Variants in MMP16 observed in about 807,000 individuals in gnomAD.
The protein encoded by MMP16 is matrix metallopeptidase 16, also known as matrix metalloproteinase-16.
A neutral mutation model predicts 67.8 loss-of-function variants in MMP16; 12 were observed. The observed-to-expected ratio is 0.18, with a 90% CI of 0.11 to 0.29. MMP16 has a LOEUF of 0.29. MMP16 is among the 10% of genes least tolerant of loss of function. MMP16 has a pLI of 1.00. For synonymous variants in MMP16, 249 were observed against 255.9 expected, an observed-to-expected ratio of 0.97 and a Z score of 0.26; for missense variants, 475 against 765.7, an observed-to-expected ratio of 0.62 and a Z score of 4.48.
chr8:88,202,914 G>C lies in MMP16; in HGVS notation c.133-5608C>G, dbSNP rs1489496271. On this transcript the variant is annotated intron_variant, in intron 1 of 9. Coordinates refer to ENST00000286614, the MANE Select transcript of MMP16 (RefSeq NM_005941.5). Reference sequence around the variant, plus strand: ...AAGAGAAATGCTGAACAATGCACCAGGTAAACGTTCTAAAAGCACTTACTT... The same window carrying C: ...AAGAGAAATGCTGAACAATGCACCACGTAAACGTTCTAAAAGCACTTACTT... Among the ~76,000 whole-genome samples the C allele has an allele frequency of 3.3e-5, 5 of 151,920 alleles. No homozygotes were observed. The East Asian group carries it at 9.7e-4, about 29-fold the overall frequency.
intron 4 of MMP16, among the ~76,000 whole-genome samples, chr8:88,161,112 A>G (rs1261710551): frequency 6.6e-6 from 1 of 152,180 alleles, no homozygotes; most frequent in Non-Finnish European, 1.5e-5. Context: ...GAATAGTTTC[A>G]GAAGGAATGG....
chr8:88,238,844 G>A (rs1057065700), intron 1 of MMP16, among the ~76,000 whole-genome samples: 3 of 151,780 alleles, frequency 2.0e-5, no homozygotes, highest in African/African-American at 7.3e-5. Context: ...AAAAATTTTG[G>A]CTGGGTGCAG....
At chr8:88,068,936 G>T (rs1317822272) in intron 7 of MMP16, among the ~76,000 whole-genome samples, 2 of 151,962 alleles carry the variant, frequency 1.3e-5, no homozygotes, top group Non-Finnish European at 2.9e-5. Context: ...TCCTGACCTC[G>T]AGTGATCCAC....
chr8:88,307,135 C>A, intron 1 of MMP16, among the ~76,000 whole-genome samples: 1 of 152,074 alleles, frequency 6.6e-6, no homozygotes, highest in Non-Finnish European at 1.5e-5. Context: ...TGCCAACAGG[C>A]AAGCAGAGAA....
intron 7 of MMP16, among the ~76,000 whole-genome samples, chr8:88,067,607 G>A (rs967983788): frequency 6.6e-6 from 1 of 151,988 alleles, no homozygotes; most frequent in African/African-American, 2.4e-5. Flanking sequence ...GAACCAATGA[G>A]GCACTTTTTA....
At position 88,186,536 on chromosome 8, in the gene MMP16, A is replaced by G. The variant is rs1373463653; in HGVS notation, c.344T>C (p.Ile115Thr). ...TGTCAATGCATATCGCTTTCGACGA[A>G]TATGAAATTTGGAGCTACCTCTTGT... ...DQTRGSSKFH[I>T]RRKRYALTGQ... The change falls in exon 3 of 10, where the codon ATT becomes ACT. Residue 115 changes from isoleucine (I) to threonine (T), a missense_variant. This residue lies in a region of MMP16 where 170 missense variants were observed against 239.6 expected (regional missense o/e 0.71). Coordinates refer to ENST00000286614, the MANE Select transcript of MMP16 (RefSeq NM_005941.5). The G allele has an allele frequency of 1.2e-6, 2 of 1,610,336 alleles. No individual in the cohort carries two copies. The highest frequency in any genetic ancestry group is 2.7e-5 in the African/African-American group (2 of 74,162).
At chr8:88,231,756 G>T (rs1211450665) in intron 1 of MMP16, among the ~76,000 whole-genome samples, 1 of 152,110 alleles carries the variant, frequency 6.6e-6, no homozygotes, top group Non-Finnish European at 1.5e-5. Context: ...CCAAATGATT[G>T]TAACTTCTTT....
chr8:88,048,860 T>C (rs1242366714), intron 8 of MMP16, among the ~76,000 whole-genome samples: 1 of 152,184 alleles, frequency 6.6e-6, no homozygotes, highest in East Asian at 1.9e-4. Flanking sequence ...AATAAGTATT[T>C]TCTAGTTTGG....
chr8:88,149,759 G>A (rs1173191205), intron 4 of MMP16, among the ~76,000 whole-genome samples: 3 of 151,968 alleles, frequency 2.0e-5, no homozygotes, highest in Non-Finnish European at 4.4e-5. Context: ...CAAAGATGGG[G>A]GAAAAAACAG....
intron 1 of MMP16, among the ~76,000 whole-genome samples, chr8:88,230,221 C>T (rs560574914): frequency 5.3e-5 from 8 of 152,148 alleles, no homozygotes; most frequent in South Asian, 2.1e-4. Context: ...TTCTCATTCA[C>T]GAGATGCAGA....
intron 1 of MMP16, among the ~76,000 whole-genome samples, chr8:88,214,869 GA>G (rs1196843242): frequency 6.6e-6 from 1 of 152,152 alleles, no homozygotes; most frequent in Non-Finnish European, 1.5e-5. Context: ...CTGCCAGTGT[GA>G]TAATCTTTAT....
At position 88,116,638 on chromosome 8, in the gene MMP16, T is replaced by G; in HGVS notation, c.952A>C (p.Arg318=). ...PHRSIPPADP[R]KNDRPKPPRP... is the part of the protein sequence containing the mutation. The stretch of plus-strand genomic sequence containing the variant: ...GGAGGTTTTGGCCTGTCATTTTTCC[T>G]TGGGTCAGCCGGAGGAATAGAGCGG... Residue 318 remains arginine (R), a synonymous_variant, in exon 6 of 10, where the codon AGG becomes CGG. Transcript: ENST00000286614. 6.2e-7 allele frequency: 1 copy of G among 1,613,908 alleles called. No homozygotes were observed. Among genetic ancestry groups the G allele is most frequent in the East Asian group, 2.2e-5 (1 of 44,824 alleles).
At chr8:88,281,260 C>T (rs1810730965) in intron 1 of MMP16, among the ~76,000 whole-genome samples, 1 of 152,158 alleles carries the variant, frequency 6.6e-6, no homozygotes, top group African/African-American at 2.4e-5. Context: ...ATTTAGGGCT[C>T]ATCTTAAATT....
chr8:88,172,232 A>G (rs934477553), intron 3 of MMP16, among the ~76,000 whole-genome samples: 9 of 152,230 alleles, frequency 5.9e-5, no homozygotes, highest in Non-Finnish European at 1.3e-4. Flanking sequence ...AAAAAATTGT[A>G]GTTAAAATTT....
rs189730355 is a variant in MMP16, at chr8:88,039,467, G to A, written c.*1994C>T. On this transcript the variant is annotated 3_prime_UTR_variant, in exon 10 of 10. Transcript: ENST00000286614. The surrounding 1 kb of genome is among the most constrained non-coding windows in gnomAD (Gnocchi z 4.5). ...TTTAGAGAACAACTAATCCAATGGA[G>A]AAGCAACACCAGATTTCCTTCAGTT... The A allele has an allele frequency of 6.6e-6, 1 of 152,652 alleles. No individual in the cohort carries two copies. The highest frequency in any genetic ancestry group is 1.9e-4 in the East Asian group (1 of 5,164). The allele number at this position is 152,652 out of a possible 1,614,324, so 9.5% of individuals were successfully genotyped here.
intron 1 of MMP16, among the ~76,000 whole-genome samples, chr8:88,324,703 T>A (rs1811511234): frequency 6.6e-6 from 1 of 152,142 alleles, no homozygotes; most frequent in Admixed American, 6.6e-5. Context: ...TGTAAGTGCC[T>A]CTTCTGGAGA....
chr8:88,089,678 G>A (rs1233886256), intron 6 of MMP16, among the ~76,000 whole-genome samples: 1 of 151,946 alleles, frequency 6.6e-6, no homozygotes, highest in Non-Finnish European at 1.5e-5. Context: ...TGTCTAAGGG[G>A]AAGACGTTCA....
intron 6 of MMP16, among the ~76,000 whole-genome samples, chr8:88,111,763 T>C (rs1224482247): frequency 6.6e-6 from 1 of 151,672 alleles, no homozygotes; most frequent in Non-Finnish European, 1.5e-5. Context: ...GATACTACAA[T>C]AATTAAGATG....
At chr8:88,141,919 GTT>G (rs200516354) in intron 4 of MMP16, among the ~76,000 whole-genome samples, 2 of 145,130 alleles carry the variant, frequency 1.4e-5, no homozygotes, top group African/African-American at 5.0e-5. Context: ...ACATAAATAT[GTT>G]TTTTTTTTTT....
Sources: gnomAD v4.1 joint callset for allele counts (sites outside exome capture counted in the v4.1 genomes callset) on GRCh38, gnomAD v4.1.1 for gene constraint, gnomAD v4.1.1 regional missense constraint, Gnocchi (gnomAD v3.1) non-coding constraint, MANE v1.5 for transcripts, NCBI Gene and HGNC (gene_info 2026-07-23, HGNC 2026-07-21) for gene names.